The following CHRDL1 variants were observed in gnomAD, a reference collection of about 807,000 sequenced individuals.
The protein encoded by CHRDL1 is chordin-like protein 1.
A neutral mutation model predicts 40.9 loss-of-function variants in CHRDL1; 19 were observed. The ratio of observed to expected loss-of-function variants is 0.46; its 90% CI spans 0.32 to 0.68. The LOEUF is 0.68. CHRDL1 is among the 30% of genes least tolerant of loss of function. The probability of loss-of-function intolerance (pLI) is 0.03; values close to 1 mark genes in which losing one functional copy is unlikely to be tolerated. For missense variants in CHRDL1, 329 were observed against 352.1 expected (o/e 0.93, Z 0.53); for synonymous variants, 136 against 123.4 (o/e 1.10, Z -0.68).
At chrX:110,756,576 T>C (rs1326353211) in intron 4 of CHRDL1, among the ~76,000 whole-genome samples, 2 of 111,329 alleles carry the variant, frequency 1.8e-5, no homozygotes, top group African/African-American at 6.5e-5. Context: ...AAATAGACCA[T>C]TCAGGCATGA....
intron 4 of CHRDL1, among the ~76,000 whole-genome samples, chrX:110,754,325 G>A (rs1049005491): frequency 2.7e-5 from 3 of 112,506 alleles, no homozygotes; most frequent in African/African-American, 9.7e-5. Flanking sequence ...CATTAGTATA[G>A]TTGCTTTGTT....
intron 6 of CHRDL1, among the ~76,000 whole-genome samples, chrX:110,704,188 T>C (rs1355031720): frequency 3.6e-5 from 4 of 111,589 alleles, no homozygotes; most frequent in Non-Finnish European, 7.5e-5. Flanking sequence ...CTATTCTCCA[T>C]GATGTGTTCA....
At chrX:110,763,195 G>A (rs2089596121) in intron 2 of CHRDL1, among the ~76,000 whole-genome samples, 1 of 110,435 alleles carries the variant, frequency 9.1e-6, no homozygotes, top group Non-Finnish European at 1.9e-5. Flanking sequence ...GTTCTTTAGT[G>A]GTGATTTGTG....
chrX:110,687,474 A>G (rs138718249), intron 9 of CHRDL1, among the ~76,000 whole-genome samples: 3,497 of 111,916 alleles, frequency 0.031, 142 homozygotes, highest in African/African-American at 0.11. Flanking sequence ...ACATTGATTC[A>G]GGGCATGTTT....
intron 9 of CHRDL1, among the ~76,000 whole-genome samples, chrX:110,687,074 GTCATAAATCAGTGCT>G: frequency 9.1e-6 from 1 of 110,469 alleles, no homozygotes; most frequent in Non-Finnish European, 1.9e-5. Context: ...AAGATTTTGT[GTCATAAATCAGTGCT>G]TCTCAAGCTG....
At chrX:110,750,350 T>C (rs1237832153) in intron 4 of CHRDL1, among the ~76,000 whole-genome samples, 1 of 111,110 alleles carries the variant, frequency 9.0e-6, no homozygotes, top group Non-Finnish European at 1.9e-5. Flanking sequence ...ATCCGATGGC[T>C]GGACAGGTCT....
rs182526737 is a variant in CHRDL1, at chrX:110,742,464, T to C, written c.301+17197A>G. 1.8e-3 allele frequency among the ~76,000 whole-genome samples: 203 copies of C among 112,607 alleles called. 1 individual carries two copies. The highest frequency in any genetic ancestry group is 6.3e-3 in the African/African-American group (195 of 31,012). On this transcript the variant is annotated intron_variant, in intron 4 of 11. Transcript: ENST00000372042. ...AAACACACTGAGGCAGAAAAAGATT[T>C]TCTTTAAAAATATAGAAGATAACAG...
intron 2 of CHRDL1, among the ~76,000 whole-genome samples, chrX:110,789,511 T>C (rs1480449199): frequency 1.8e-5 from 2 of 112,152 alleles, no homozygotes; most frequent in Non-Finnish European, 3.8e-5. Flanking sequence ...TATCTACAAA[T>C]ATAGACTGGT....
At chrX:110,779,015 CATGTTCTG>C (rs2089896723) in intron 2 of CHRDL1, among the ~76,000 whole-genome samples, 1 of 111,521 alleles carries the variant, frequency 9.0e-6, no homozygotes, top group Non-Finnish European at 1.9e-5. Context: ...CCAAATACTG[CATGTTCTG>C]ACTTATAAGT....
chrX:110,755,629 G>A (rs73528254), intron 4 of CHRDL1, among the ~76,000 whole-genome samples: 2,787 of 112,086 alleles, frequency 0.025, 86 homozygotes, highest in African/African-American at 0.085. Flanking sequence ...TGTAAAGCCA[G>A]TATCTGGGGT....
intron 3 of CHRDL1, among the ~76,000 whole-genome samples, chrX:110,761,373 T>C (rs992207784): frequency 1.8e-5 from 2 of 112,133 alleles, no homozygotes; most frequent in African/African-American, 6.5e-5. Context: ...AAATGGTAAA[T>C]GGATCAGGCT....
intron 8 of CHRDL1, 124 bp from the exon 9 acceptor site, chrX:110,688,927 G>T: frequency 3.8e-6 from 2 of 524,792 alleles, no homozygotes; most frequent in Non-Finnish European, 6.3e-6. Context: ...TAGCCATGGG[G>T]CTATGTTTAC....
At chrX:110,707,554 A>G (rs1333351875) in intron 6 of CHRDL1, among the ~76,000 whole-genome samples, 5 of 112,146 alleles carry the variant, frequency 4.5e-5, no homozygotes, top group African/African-American at 1.6e-4. Context: ...AAGATTCCCT[A>G]TTTAATAAAT....
intron 4 of CHRDL1, among the ~76,000 whole-genome samples, chrX:110,756,377 G>T (rs2089452054): frequency 9.0e-6 from 1 of 111,167 alleles, no homozygotes; most frequent in Admixed American, 9.6e-5. Flanking sequence ...GCTTGCAAGT[G>T]GCTTCCCATG....
chrX:110,760,655 C>T (rs762542459), intron 3 of CHRDL1, among the ~76,000 whole-genome samples: 2 of 111,850 alleles, frequency 1.8e-5, no homozygotes, highest in Non-Finnish European at 3.8e-5. Flanking sequence ...GTCAAGAATC[C>T]GACAAAATCA....
intron 7 of CHRDL1, among the ~76,000 whole-genome samples, chrX:110,699,117 C>T (rs1426327286): frequency 1.8e-5 from 2 of 111,938 alleles, no homozygotes; most frequent in African/African-American, 6.5e-5. Context: ...TTGAGATGTC[C>T]AGAGTACTGT....
At chrX:110,679,793 T>A (rs981533279) in intron 10 of CHRDL1, among the ~76,000 whole-genome samples, 1 of 111,993 alleles carries the variant, frequency 8.9e-6, no homozygotes, top group Non-Finnish European at 1.9e-5. Flanking sequence ...GGATAGACTG[T>A]GTCCATGCCA....
chrX:110,763,491 T>TAC (rs1020611220), intron 2 of CHRDL1, among the ~76,000 whole-genome samples: 1 of 108,677 alleles, frequency 9.2e-6, no homozygotes, highest in African/African-American at 3.4e-5. Context: ...TTCATATATA[T>TAC]ACACACACAC....
chrX:110,778,671 C>A (rs1468521676), intron 2 of CHRDL1, among the ~76,000 whole-genome samples: 1 of 111,692 alleles, frequency 9.0e-6, no homozygotes, highest in Non-Finnish European at 1.9e-5. Flanking sequence ...AATAGTTCAA[C>A]CATTGTGGAA....
Sources: allele counts gnomAD v4.1 joint callset (sites outside exome capture counted in the v4.1 genomes callset), GRCh38; gene constraint gnomAD v4.1.1; transcripts MANE v1.5; gene names NCBI Gene and HGNC (gene_info 2026-07-23, HGNC 2026-07-21).